CDH2: variants seen among roughly 807,000 people sequenced by gnomAD.
CDH2 encodes the protein cadherin 2, also known as cadherin-2.
A neutral mutation model predicts 92.0 loss-of-function variants in CDH2; 17 were observed. The observed-to-expected ratio is 0.18, with a 90% CI of 0.13 to 0.28. The LOEUF is 0.28. Among genes scored for constraint, CDH2 ranks in the 10% least tolerant of loss-of-function variants. CDH2 has a pLI of 1.00. For missense variants in CDH2, 862 were observed against 1,133.1 expected (o/e 0.76, Z 3.44); for synonymous variants, 419 against 415.9 (o/e 1.01, Z -0.09).
chr18:28,015,017 C>T (rs2013204130), intron 2 of CDH2, among the ~76,000 whole-genome samples: 1 of 152,024 alleles, frequency 6.6e-6, no homozygotes, highest in Non-Finnish European at 1.5e-5. Flanking sequence ...ACATAGGATA[C>T]TCTTTGGAGT....
intron 13 of CDH2, among the ~76,000 whole-genome samples, chr18:27,983,954 C>G (rs973122302): frequency 1.3e-5 from 2 of 152,142 alleles, no homozygotes; most frequent in African/African-American, 4.8e-5. Flanking sequence ...TTAATGACTC[C>G]TATTGGAGCA....
intron 2 of CDH2, among the ~76,000 whole-genome samples, chr18:28,031,998 G>C (rs964896987): frequency 1.3e-5 from 2 of 152,072 alleles, no homozygotes; most frequent in African/African-American, 2.4e-5. Context: ...GTGTAGTATA[G>C]TACTCTCTTC....
chr18:28,081,254 T>G (rs537967732), intron 2 of CDH2, among the ~76,000 whole-genome samples: 1 of 152,192 alleles, frequency 6.6e-6, no homozygotes, highest in African/African-American at 2.4e-5. Flanking sequence ...TTTTTGAAAT[T>G]GTTTACTTAT....
intron 15 of CDH2, among the ~76,000 whole-genome samples, chr18:27,963,045 TAGTC>T (rs1237288930): frequency 6.6e-6 from 1 of 152,206 alleles, no homozygotes; most frequent in Admixed American, 6.5e-5. Context: ...ATAATATTGT[TAGTC>T]TATTTATTAC....
intron 2 of CDH2, among the ~76,000 whole-genome samples, chr18:28,048,927 A>T (rs2014134936): frequency 6.6e-6 from 1 of 152,120 alleles, no homozygotes; most frequent in African/African-American, 2.4e-5. Flanking sequence ...TGATAATACC[A>T]TCTGCATGCA....
intron 2 of CDH2, among the ~76,000 whole-genome samples, chr18:28,032,645 C>A (rs1033180050): frequency 1.3e-5 from 2 of 152,046 alleles, no homozygotes; most frequent in African/African-American, 4.8e-5. Context: ...TGATTCAAAT[C>A]CTTTAAGTAC....
chr18:27,980,095 C>T (rs1442401587), intron 14 of CDH2, among the ~76,000 whole-genome samples: 2 of 152,154 alleles, frequency 1.3e-5, no homozygotes, highest in Non-Finnish European at 2.9e-5. Flanking sequence ...CTGCTTTTAT[C>T]CCTGAAGGAA....
intron 1 of CDH2, among the ~76,000 whole-genome samples, chr18:28,153,058 GA>G (rs2016150223): frequency 6.6e-6 from 1 of 152,116 alleles, no homozygotes; most frequent in African/African-American, 2.4e-5. Context: ...TAAAGAAGCA[GA>G]AAGAATGGGA....
At chr18:27,959,810 A>G (rs1371747993) in intron 15 of CDH2, among the ~76,000 whole-genome samples, 1 of 152,012 alleles carries the variant, frequency 6.6e-6, no homozygotes, top group East Asian at 1.9e-4. Flanking sequence ...AAGATATTTG[A>G]TTGCTCCTCT....
At chr18:28,096,490 C>T (rs928954099) in intron 2 of CDH2, among the ~76,000 whole-genome samples, 13 of 149,712 alleles carry the variant, frequency 8.7e-5, no homozygotes, top group East Asian at 7.8e-4. Flanking sequence ...ATTTCTGGAA[C>T]GCAATATGAA....
intron 1 of CDH2, among the ~76,000 whole-genome samples, chr18:28,149,963 G>A (rs2016095807): frequency 6.6e-6 from 1 of 152,226 alleles, no homozygotes; most frequent in African/African-American, 2.4e-5. Flanking sequence ...TTGGGACACT[G>A]GGAGACAGTC....
chr18:28,126,104 A>T (rs2015673287), intron 2 of CDH2, among the ~76,000 whole-genome samples: 1 of 152,194 alleles, frequency 6.6e-6, no homozygotes, highest in South Asian at 2.1e-4. Context: ...TAGATTATTT[A>T]TTCTATAGGA....
At chr18:27,993,084 C>A (rs1304167996) in intron 8 of CDH2, among the ~76,000 whole-genome samples, 1 of 152,126 alleles carries the variant, frequency 6.6e-6, no homozygotes, top group East Asian at 1.9e-4. Context: ...AAATCAGCAT[C>A]CATTTGTGAG....
chr18:28,012,855 T>C (rs999810482), intron 3 of CDH2, among the ~76,000 whole-genome samples: 3 of 152,170 alleles, frequency 2.0e-5, no homozygotes, highest in African/African-American at 4.8e-5. Flanking sequence ...GGTATGTATA[T>C]CACATTTACA....
Position 28,111,304 on chromosome 18 carries a change from C to G in CDH2, c.172+36369G>C, listed in dbSNP as rs111828257. Among the ~76,000 whole-genome samples, 4 of 152,312 alleles carry G rather than the reference C, an allele frequency of 2.6e-5. No homozygotes were observed. In the East Asian group the frequency reaches 5.8e-4, roughly 22 times the overall value. On this transcript the variant is annotated intron_variant, in intron 2 of 15. Coordinates refer to ENST00000269141, the MANE Select transcript of CDH2 (RefSeq NM_001792.5). ...GATATTTCGAGGCATGGGTGTAGCA[C>G]GTGCATACGTGACCCCAATCCCAAA...
chr18:27,979,031 T>TA (rs1360861374), intron 14 of CDH2, among the ~76,000 whole-genome samples: 3 of 151,496 alleles, frequency 2.0e-5, no homozygotes, highest in African/African-American at 4.9e-5. Flanking sequence ...TAAAAAATAA[T>TA]AAAAAAACTT....
rs201382169 is a variant in CDH2 at position 27,992,726 on chromosome 18, C to T, written c.1273G>A (p.Gly425Arg). 1.7e-5 allele frequency: 28 copies of T among 1,613,912 alleles called. No individual in the cohort carries two copies. The highest frequency in any genetic ancestry group is 8.9e-5 in the East Asian group (4 of 44,868). The change falls in exon 9 of 16, where the codon GGA becomes AGA. Residue 425 changes from glycine (G) to arginine (R), a missense_variant. By Grantham distance (125) the Gly-to-Arg change is moderately radical. Transcript: ENST00000269141. The stretch of plus-strand genomic sequence containing the variant: ...ATGGCGAACCGTCCAGTAGGATCTC[C>T]GCCACTGATTCTGTACACTGCGTTC... The part of the protein sequence containing the change: ...AWNAVYRISG[G>R]DPTGRFAIQT...
At chr18:28,155,125 AAAT>A (rs1331553232) in intron 1 of CDH2, among the ~76,000 whole-genome samples, 2 of 152,164 alleles carry the variant, frequency 1.3e-5, no homozygotes, top group Non-Finnish European at 2.9e-5. Flanking sequence ...TTCCTTGTGG[AAAT>A]AAGGGCAATA....
intron 2 of CDH2, among the ~76,000 whole-genome samples, chr18:28,134,540 T>C (rs1408948622): frequency 6.6e-6 from 1 of 151,926 alleles, no homozygotes; most frequent in Non-Finnish European, 1.5e-5. Context: ...ATAAACCCTG[T>C]CTCTACAAAA....
Sources: gnomAD v4.1 joint callset for allele counts (sites outside exome capture counted in the v4.1 genomes callset) on GRCh38, gnomAD v4.1.1 for gene constraint, MANE v1.5 for transcripts, NCBI Gene and HGNC (gene_info 2026-07-23, HGNC 2026-07-21) for gene names.